Variants in IFT122 observed in about 807,000 individuals in gnomAD.
The protein encoded by IFT122 is intraflagellar transport protein 122 homolog.
Under a neutral mutation model 161.6 loss-of-function variants are expected in IFT122, and 118 were observed. The ratio of observed to expected loss-of-function variants is 0.73; its 90% CI spans 0.63 to 0.85. The LOEUF is 0.85. Among genes scored for constraint, IFT122 ranks in the 40% least tolerant of loss-of-function variants. The pLI is 0.00. For missense variants in IFT122, 1,381 were observed against 1,579.6 expected, an observed-to-expected ratio of 0.87 and a Z score of 2.13; for synonymous variants, 550 against 602.4, an observed-to-expected ratio of 0.91 and a Z score of 1.27.
intron 4 of IFT122, among the ~76,000 whole-genome samples, chr3:129,459,700 C>CCCTCCCTCCCTCCCTT: frequency 1.1e-5 from 1 of 92,452 alleles, no homozygotes; most frequent in African/African-American, 6.1e-5. Flanking sequence ...TTCCTTCCTT[C>CCCTCCCTCCCTCCCTT]CTTCCTTCCT....
intron 4 of IFT122, chr3:129,460,959 G>A (rs760815869): frequency 1.2e-5 from 19 of 1,605,564 alleles, no homozygotes; most frequent in South Asian, 6.6e-5. Flanking sequence ...GCCAAGGTGG[G>A]AGGATTGATT....
chr3:129,492,885 C>T (rs1356934945), intron 17 of IFT122, among the ~76,000 whole-genome samples: 1 of 147,450 alleles, frequency 6.8e-6, no homozygotes, highest in Non-Finnish European at 1.5e-5. Flanking sequence ...GTGGCACGAT[C>T]ACAGCTTACT....
intron 1 of IFT122, among the ~76,000 whole-genome samples, chr3:129,444,981 T>C (rs571194249): frequency 3.9e-5 from 6 of 152,206 alleles, no homozygotes; most frequent in Non-Finnish European, 5.9e-5. Context: ...CCAACAATGA[T>C]AATGGCAGCC....
At chr3:129,444,255 GGAA>G (rs2073675278) in intron 1 of IFT122, among the ~76,000 whole-genome samples, 1 of 152,184 alleles carries the variant, frequency 6.6e-6, no homozygotes, top group Non-Finnish European at 1.5e-5. Context: ...AAGGCTCAGA[GGAA>G]GAAAGCGTAA....
At chr3:129,480,807 A>G (rs2078547475) in intron 13 of IFT122, among the ~76,000 whole-genome samples, 2 of 152,196 alleles carry the variant, frequency 1.3e-5, no homozygotes, top group South Asian at 4.1e-4. Flanking sequence ...GGATAATACC[A>G]CATATTTCAT....
At chr3:129,509,380 C>G (rs1001009392) in intron 23 of IFT122, among the ~76,000 whole-genome samples, 4 of 152,180 alleles carry the variant, frequency 2.6e-5, no homozygotes, top group Non-Finnish European at 5.9e-5. Context: ...TTGTCAACTT[C>G]CAGTGGCCGG....
chr3:129,447,934 C>T (rs896729570), intron 1 of IFT122, among the ~76,000 whole-genome samples: 3 of 152,114 alleles, frequency 2.0e-5, no homozygotes, highest in African/African-American at 7.2e-5. Context: ...TTAAAAGAGC[C>T]CTGGTTGAGG....
chr3:129,519,798 C>T, intron 29 of IFT122, 66 bp downstream of exon 29: 1 of 1,589,264 alleles, frequency 6.3e-7, no homozygotes, highest in Non-Finnish European at 8.6e-7. Context: ...CCAAATGTCC[C>T]TCTGGGAGGC....
intron 23 of IFT122, among the ~76,000 whole-genome samples, 179 bp downstream of exon 23, chr3:129,507,941 G>A (rs1193495479): frequency 6.6e-6 from 1 of 152,242 alleles, no homozygotes; most frequent in East Asian, 1.9e-4. Context: ...CTGTTTGTCT[G>A]CCATGCATCA....
chr3:129,476,687 A>G lies in IFT122; in HGVS notation c.1033A>G (p.Ile345Val), dbSNP rs1166433415. 6.2e-7 allele frequency: 1 copy of G among 1,614,042 alleles called. No homozygotes were observed. Among genetic ancestry groups the G allele is most frequent in the Non-Finnish European group, 8.5e-7 (1 of 1,180,052 alleles). Reference sequence around the variant, plus strand: ...GGTGGTCGGCTGCCAGGACGGCACCATTTCCTTCTACCAGCTTATTTTCAG... The same window carrying G: ...GGTGGTCGGCTGCCAGGACGGCACCGTTTCCTTCTACCAGCTTATTTTCAG... ...YVVVGCQDGT[I>V]SFYQLIFSTV... The change falls in exon 11 of 30, where the codon ATT becomes GTT. Residue 345 changes from isoleucine (I) to valine (V), a missense_variant. Physicochemically the swap from Ile to Val is conservative, Grantham distance 29. Transcript: ENST00000348417.
chr3:129,463,447 A>C (rs555257593), intron 5 of IFT122, 113 bp from the exon 6 acceptor site: 13 of 831,416 alleles, frequency 1.6e-5, no homozygotes, highest in Non-Finnish European at 2.3e-5. Context: ...TTCATTCAGC[A>C]TAAAATCCTG....
At chr3:129,468,174 G>C (rs2076996555) in intron 8 of IFT122, among the ~76,000 whole-genome samples, 2 of 152,186 alleles carry the variant, frequency 1.3e-5, no homozygotes, top group Non-Finnish European at 2.9e-5. Context: ...TAGTGCCTAT[G>C]ACATTTGCCA....
At position 129,479,830 on chromosome 3, in the gene IFT122, G is replaced by C. The variant is rs764201815; in HGVS notation, c.1396G>C (p.Glu466Gln). The stretch of plus-strand genomic sequence containing the variant: ...GTCCTTCAGCGGAGTGAAGGAGCGG[G>C]AGTGGCAGATGGAGTCTCTCATTCG... ...CLSFSGVKER[E>Q]WQMESLIRYI... is the part of the protein sequence containing the mutation. Residue 466 changes from glutamate (E) to glutamine (Q), a missense_variant, in exon 13 of 30, where the codon GAG (glutamate) becomes CAG (glutamine). Glu to Gln is a conservative substitution (Grantham distance 29, BLOSUM62 2). Transcript: ENST00000348417. The C allele has an allele frequency of 6.2e-7, 1 of 1,614,116 alleles. No homozygotes were observed. Among genetic ancestry groups the C allele is most frequent in the Non-Finnish European group, 8.5e-7 (1 of 1,180,026 alleles).
rs1299284644 is a variant in IFT122, at chr3:129,503,908, G to A, written c.2548-411G>A. On this transcript the variant is annotated intron_variant, in intron 20 of 29. Coordinates refer to ENST00000348417, the MANE Select transcript of IFT122 (RefSeq NM_052989.3). The stretch of plus-strand genomic sequence containing the variant: ...AGCAGTCAGTGGGTCCATACAGCAC[G>A]AAGCCCACAGTCATCTTTGACAACT... 2.4e-5 allele frequency: 8 copies of A among 331,298 alleles called. No homozygotes were observed. The East Asian group carries it at 6.6e-4, about 27-fold the overall frequency. The allele number at this position is 331,298 out of a possible 1,614,324, so 20.5% of individuals were successfully genotyped here. A position where few individuals can be genotyped will look rare whatever the true frequency, so the allele number is the denominator to read the frequency against.
In IFT122 at chr3:129,504,254, G is replaced by A. The variant is rs540001181; in HGVS notation, c.2548-65G>A. The A allele has an allele frequency of 3.8e-6, 5 of 1,317,196 alleles. No homozygotes were observed. In the African/African-American group the frequency reaches 5.8e-5, roughly 15 times the overall value. 81.6% of individuals were successfully genotyped at this position (1,317,196 alleles called of 1,614,324 possible). On this transcript the variant is annotated intron_variant, in intron 20 of 29. Transcript: ENST00000348417. ...TGATGTCCCTAATGGATTCAGCCAAGTACAGTGTTTTCATGGGGGCTGCAG... is the reference window on the plus strand; with the variant it reads ...TGATGTCCCTAATGGATTCAGCCAAATACAGTGTTTTCATGGGGGCTGCAG...
intron 17 of IFT122, among the ~76,000 whole-genome samples, chr3:129,494,521 A>G (rs1265866823): frequency 2.6e-5 from 4 of 152,206 alleles, no homozygotes; most frequent in Non-Finnish European, 5.9e-5. Flanking sequence ...AGTTTGATTC[A>G]ATGTCTTATC....
intron 1 of IFT122, among the ~76,000 whole-genome samples, chr3:129,445,681 C>T (rs962272439): frequency 3.9e-5 from 6 of 152,212 alleles, no homozygotes; most frequent in African/African-American, 1.4e-4. Flanking sequence ...GAGTTGAAAT[C>T]CTGGCCCTTG....
Position 129,520,413 on chromosome 3 carries a change from T to C in IFT122, c.*148T>C, listed in dbSNP as rs2084609863. ...GGGGGGCCTTGTGTAACCACGGAAT[T>C]CCTATTTATGGCATTTCATGCCTTG... is the stretch of plus-strand genomic sequence containing the variant. On this transcript the variant is annotated 3_prime_UTR_variant, in exon 30 of 30. Coordinates refer to ENST00000348417, the MANE Select transcript of IFT122 (RefSeq NM_052989.3). 7.1e-6 allele frequency: 5 copies of C among 708,110 alleles called. No homozygotes were observed. The highest frequency in any genetic ancestry group is 1.3e-5 in the Non-Finnish European group (5 of 392,566). 43.9% of individuals were successfully genotyped at this position (708,110 alleles called of 1,614,324 possible).
Position 129,517,629 on chromosome 3 carries a change from G to T in IFT122, c.3391+35G>T, listed in dbSNP as rs1038610926. On this transcript the variant is annotated intron_variant, in intron 27 of 29. Coordinates refer to ENST00000348417, the MANE Select transcript of IFT122 (RefSeq NM_052989.3). ...CCCTTGGCCAGAGCCTGTGTGTGCG[G>T]CTGTGTGAGGGGTCTGGGGACAGGC... 9 of 1,607,050 alleles carry T rather than the reference G, an allele frequency of 5.6e-6. No homozygotes were observed. In the African/African-American group the frequency reaches 1.2e-4, roughly 22 times the overall value.
Sources: gnomAD v4.1 joint callset for allele counts (sites outside exome capture counted in the v4.1 genomes callset) on GRCh38, gnomAD v4.1.1 for gene constraint, MANE v1.5 for transcripts, NCBI Gene and HGNC (gene_info 2026-07-23, HGNC 2026-07-21) for gene names.